Variants in UVRAG observed in about 807,000 individuals in gnomAD.
UVRAG encodes the protein UV radiation resistance-associated gene protein.
UVRAG carries 19 observed loss-of-function variants against 78.0 expected under a neutral mutation model. That is an observed-to-expected ratio of 0.24 (90% CI 0.17 to 0.36). The LOEUF is 0.36. Among genes scored for constraint, UVRAG ranks in the 10% least tolerant of loss-of-function variants. UVRAG has a pLI of 1.00. For synonymous variants in UVRAG, 323 were observed against 324.6 expected (o/e 1.00, Z 0.05); for missense variants, 740 against 853.8 (o/e 0.87, Z 1.66).
rs577990045 is a variant in UVRAG, at chr11:75,933,507, G to A, written c.593+21468G>A. 1.1e-4 allele frequency among the ~76,000 whole-genome samples: 16 copies of A among 152,206 alleles called. No individual in the cohort carries two copies. In the East Asian group the frequency reaches 3.1e-3, roughly 29 times the overall value. On this transcript the variant is annotated intron_variant, in intron 6 of 14. Coordinates refer to ENST00000356136, the MANE Select transcript of UVRAG (RefSeq NM_003369.4). ...CAACCAAAGCAAAAATGGGCAAATGGGATCACATCAAATTAAGAAGCTTCT... is the reference window on the plus strand; with the variant it reads ...CAACCAAAGCAAAAATGGGCAAATGAGATCACATCAAATTAAGAAGCTTCT...
intron 13 of UVRAG, among the ~76,000 whole-genome samples, chr11:76,093,017 G>A (rs1215344398): frequency 6.6e-6 from 1 of 152,152 alleles, no homozygotes; most frequent in African/African-American, 2.4e-5. Flanking sequence ...TTTGTATAAG[G>A]TGTAAGGAAG....
chr11:76,101,492 T>C (rs187763042), intron 13 of UVRAG, among the ~76,000 whole-genome samples: 2 of 151,824 alleles, frequency 1.3e-5, no homozygotes, highest in African/African-American at 4.8e-5. Flanking sequence ...CCTTATCAGA[T>C]GCATACTTTG....
chr11:76,104,113 C>T (rs1306238377), intron 13 of UVRAG, among the ~76,000 whole-genome samples: 1 of 152,126 alleles, frequency 6.6e-6, no homozygotes. Context: ...TTATTTTCCA[C>T]CTGGGGAATT....
intron 12 of UVRAG, among the ~76,000 whole-genome samples, chr11:76,031,011 G>A (rs1950427205): frequency 6.6e-6 from 1 of 152,162 alleles, no homozygotes. Context: ...AGAGAGGCTT[G>A]TATTTTGTAG....
chr11:75,891,064 A>G (rs955312862), intron 5 of UVRAG, among the ~76,000 whole-genome samples: 10 of 152,172 alleles, frequency 6.6e-5, no homozygotes, highest in Admixed American at 1.3e-4. Context: ...TCAAAATTCA[A>G]TTCAAACTCT....
intron 8 of UVRAG, among the ~76,000 whole-genome samples, chr11:75,991,235 A>G (rs1591103591): frequency 6.6e-6 from 1 of 152,206 alleles, no homozygotes; most frequent in Non-Finnish European, 1.5e-5. Context: ...AAAAGATTTC[A>G]TCTTCTGTGA....
chr11:76,003,973 A>G (rs1186610185), intron 8 of UVRAG, 32 bp from the exon 9 acceptor site: 1 of 1,583,852 alleles, frequency 6.3e-7, no homozygotes, highest in African/African-American at 1.3e-5. Flanking sequence ...CCTATGTTAC[A>G]TATGGAATTA....
At chr11:76,040,912 C>T (rs1265705923) in intron 12 of UVRAG, among the ~76,000 whole-genome samples, 1 of 152,124 alleles carries the variant, frequency 6.6e-6, no homozygotes, top group Non-Finnish European at 1.5e-5. Context: ...CGGTAACAAT[C>T]AGCAGACAAG....
In UVRAG at chr11:76,115,915, C is replaced by T. The variant is rs766682375; in HGVS notation, c.1306-9C>T. 1.9e-6 allele frequency: 3 copies of T among 1,613,072 alleles called. No homozygotes were observed. Among genetic ancestry groups the T allele is most frequent in the Middle Eastern group, 1.7e-4 (1 of 6,060 alleles). ...AAATATCTTTAATTCTATTTTTTCA[C>T]CTTCACAGCTAAGATATCAACATGG... On this transcript the variant is annotated splice_polypyrimidine_tract_variant and intron_variant, in intron 13 of 14. Coordinates refer to ENST00000356136, the MANE Select transcript of UVRAG (RefSeq NM_003369.4).
intron 9 of UVRAG, 127 bp from the exon 10 acceptor site, chr11:76,007,407 A>G (rs1169011767): frequency 4.4e-6 from 3 of 685,710 alleles, no homozygotes; most frequent in African/African-American, 3.6e-5. Flanking sequence ...TTATGCTTCT[A>G]CTTCTGAGTT....
At chr11:75,921,599 C>T (rs995737823) in intron 6 of UVRAG, among the ~76,000 whole-genome samples, 13 of 151,942 alleles carry the variant, frequency 8.6e-5, no homozygotes, top group African/African-American at 2.4e-4. Flanking sequence ...GAGGACTCTC[C>T]TATACCTTGC....
At position 75,888,891 on chromosome 11, in the gene UVRAG, A is replaced by G. The variant is rs139563964; in HGVS notation, c.495A>G (p.Pro165=). 8.8e-5 allele frequency: 142 copies of G among 1,612,902 alleles called. No individual in the cohort carries two copies. The African/African-American group carries it at 1.6e-3, about 18-fold the overall frequency. The change falls in exon 5 of 15, where the codon CCA becomes CCG. Residue 165 remains proline (P), a synonymous_variant. Coordinates refer to ENST00000356136, the MANE Select transcript of UVRAG (RefSeq NM_003369.4). ...FGLNDGYYGA[P]FEHKGYSNAQ... is the part of the protein sequence containing the mutation. ...TGAATGATGGATACTATGGTGCTCC[A>G]TTTGAACATAAGGTAAGAAGATCCT...
chr11:76,098,997 T>G (rs1338289096), intron 13 of UVRAG, among the ~76,000 whole-genome samples: 3 of 152,170 alleles, frequency 2.0e-5, no homozygotes, highest in Non-Finnish European at 2.9e-5. Context: ...TGAACTTTGC[T>G]TAGAGTCTTT....
chr11:75,829,317 A>G (rs2135818394), intron 1 of UVRAG, among the ~76,000 whole-genome samples: 1 of 152,336 alleles, frequency 6.6e-6, no homozygotes, highest in Non-Finnish European at 1.5e-5. Context: ...CTAAAAAATT[A>G]GAAAGCTGCT....
At chr11:75,847,373 C>T (rs1009338714) in intron 1 of UVRAG, among the ~76,000 whole-genome samples, 20 of 152,090 alleles carry the variant, frequency 1.3e-4, no homozygotes, top group Non-Finnish European at 2.8e-4. Flanking sequence ...ATGATCCACC[C>T]GCCTCGGCCT....
Position 75,815,285 on chromosome 11 carries a change from G to A in UVRAG, c.-123G>A. ...AGCGGCGGCGGCTACTGTCTGGGCT[G>A]AGCAGTAGTGCCTCTCGGGTGGCGG... On this transcript the variant is annotated 5_prime_UTR_variant, in exon 1 of 15. Transcript: ENST00000356136. 3.9e-6 allele frequency: 2 copies of A among 510,246 alleles called. No individual in the cohort carries two copies. Among genetic ancestry groups the A allele is most frequent in the Non-Finnish European group, 6.3e-6 (2 of 317,220 alleles). The allele number at this position is 510,246 out of a possible 1,614,324, so 31.6% of individuals were successfully genotyped here. A position where few individuals can be genotyped will look rare whatever the true frequency, so the allele number is the denominator to read the frequency against.
intron 7 of UVRAG, among the ~76,000 whole-genome samples, chr11:75,974,964 C>G (rs971703250): frequency 6.6e-6 from 1 of 152,122 alleles, no homozygotes; most frequent in Non-Finnish European, 1.5e-5. Flanking sequence ...TGCCTTTGTC[C>G]TGAATGGTAT....
At position 75,895,626 on chromosome 11, in the gene UVRAG, ACT is replaced by A. The variant is rs563049115; in HGVS notation, c.507+6726_507+6727del. On this transcript the variant is annotated intron_variant, in intron 5 of 14. Transcript: ENST00000356136. ...TCTTTATTTGGCATACAAATGTGGC[ACT>A]CTGTTTTTTTTTTTTTAAAGGAAAA... Among the ~76,000 whole-genome samples, 36 of 145,956 alleles carry A rather than the reference ACT, an allele frequency of 2.5e-4. No homozygotes were observed. The East Asian group carries it at 6.5e-3, about 26-fold the overall frequency.
In UVRAG at chr11:75,815,217, T is replaced by C. The variant is rs961931083; in HGVS notation, c.-191T>C. The C allele has an allele frequency of 1.2e-5, 5 of 432,846 alleles. No individual in the cohort carries two copies. Among genetic ancestry groups the C allele is most frequent in the South Asian group, 1.1e-4 (2 of 18,554 alleles). The allele number at this position is 432,846 out of a possible 1,614,324, so 26.8% of individuals were successfully genotyped here. On this transcript the variant is annotated 5_prime_UTR_variant, in exon 1 of 15. The change abolishes an upstream ATG in the 5' untranslated region. Transcript: ENST00000356136. The stretch of plus-strand genomic sequence containing the variant: ...GTGGAGGGGTTGCACTGCGGTAATA[T>C]GGCTCTTCCTTAGCCAGCGGCGGCA...
Sources: allele counts gnomAD v4.1 joint callset (sites outside exome capture counted in the v4.1 genomes callset), GRCh38; gene constraint gnomAD v4.1.1; transcripts MANE v1.5; gene names NCBI Gene and HGNC (gene_info 2026-07-23, HGNC 2026-07-21).